The following MTFR2 variants were observed in gnomAD, a reference collection of about 807,000 sequenced individuals.
The protein encoded by MTFR2 is mitochondrial fission regulator 2.
Under a neutral mutation model 41.2 loss-of-function variants are expected in MTFR2, and 44 were observed. The observed-to-expected ratio is 1.07, with a 90% CI of 0.84 to 1.37. The LOEUF is 1.37. Among genes scored for constraint, MTFR2 ranks in the 40% most tolerant of loss-of-function variants. MTFR2 has a pLI of 0.00. For missense variants in MTFR2, 452 were observed against 459.5 expected, an observed-to-expected ratio of 0.98 and a Z score of 0.15; for synonymous variants, 141 against 154.6, an observed-to-expected ratio of 0.91 and a Z score of 0.65.
intron 6 of MTFR2, among the ~76,000 whole-genome samples, chr6:136,236,176 G>C (rs1275431525): frequency 6.6e-6 from 1 of 152,184 alleles, no homozygotes; most frequent in Non-Finnish European, 1.5e-5. Context: ...ACGGCTGAGA[G>C]TACATGTGTT....
In MTFR2 at chr6:136,240,843, G is replaced by A. The variant is rs571859927; in HGVS notation, c.514+601C>T. ...GCGGTGGCTCACGCCTGTAATCCCA[G>A]CACTTTGGGAGGCCAAGGCGGGCAG... On this transcript the variant is annotated intron_variant, in intron 5 of 7. Coordinates refer to ENST00000420702, the MANE Select transcript of MTFR2 (RefSeq NM_001099286.3). Among the ~76,000 whole-genome samples the A allele has an allele frequency of 2.0e-5, 3 of 152,302 alleles. No homozygotes were observed. In the East Asian group the frequency reaches 5.8e-4, roughly 29 times the overall value.
chr6:136,237,504 A>C (rs987025310), intron 6 of MTFR2, among the ~76,000 whole-genome samples: 3 of 152,184 alleles, frequency 2.0e-5, no homozygotes, highest in African/African-American at 7.2e-5. Flanking sequence ...AAGAAAAAGA[A>C]ACAGCTCTTA....
At position 136,231,177 on chromosome 6, in the gene MTFR2, A is replaced by C. The variant is rs1779742224; in HGVS notation, c.*98T>G. Reference sequence around the variant, plus strand: ...TGTGTCAAGAAGAGTCTTTAAATACATCTACTTTTAGCCTTTAACAGTCCA... The same window carrying C: ...TGTGTCAAGAAGAGTCTTTAAATACCTCTACTTTTAGCCTTTAACAGTCCA... On this transcript the variant is annotated 3_prime_UTR_variant, in exon 8 of 8. Coordinates refer to ENST00000420702, the MANE Select transcript of MTFR2 (RefSeq NM_001099286.3). 7 of 748,094 alleles carry C rather than the reference A, an allele frequency of 9.4e-6. No homozygotes were observed. Among genetic ancestry groups the C allele is most frequent in the South Asian group, 7.1e-5 (4 of 55,956 alleles). 46.3% of individuals were successfully genotyped at this position (748,094 alleles called of 1,614,324 possible). A position where few individuals can be genotyped will look rare whatever the true frequency, so the allele number is the denominator to read the frequency against.
intron 6 of MTFR2, among the ~76,000 whole-genome samples, chr6:136,236,704 T>C (rs898477610): frequency 1.3e-5 from 2 of 152,126 alleles, no homozygotes; most frequent in African/African-American, 4.8e-5. Flanking sequence ...TCACTTAAAA[T>C]GAGCCCTTCT....
intron 6 of MTFR2, among the ~76,000 whole-genome samples, chr6:136,236,421 T>C (rs1779906665): frequency 6.6e-6 from 1 of 152,214 alleles, no homozygotes; most frequent in South Asian, 2.1e-4. Context: ...AGAGCTCATC[T>C]GATTCCTCAG....
chr6:136,239,893 T>C, intron 5 of MTFR2, 73 bp from the exon 6 acceptor site: 1 of 1,306,726 alleles, frequency 7.7e-7, no homozygotes, highest in Non-Finnish European at 1.0e-6. Context: ...TAACACTAAT[T>C]AGAACCAAAA....
rs141467777 is a variant in MTFR2, at chr6:136,239,509, C to G, written c.826G>C (p.Val276Leu). 6.2e-7 allele frequency: 1 copy of G among 1,613,940 alleles called. No homozygotes were observed. Among genetic ancestry groups the G allele is most frequent in the South Asian group, 1.1e-5 (1 of 91,058 alleles). Residue 276 changes from valine to leucine, a missense_variant, in exon 6 of 8, where the codon GTT (valine) becomes CTT (leucine). Val to Leu is a conservative substitution (Grantham distance 32). Transcript: ENST00000420702. The part of the protein sequence containing the change: ...RNKDIPNMLD[V>L]LKDMNKVKLR... Reference sequence around the variant, plus strand: ...TTAACCTTATTCATATCCTTTAGAACGTCCAACATGTTTGGAATATCTTTA... The same window carrying G: ...TTAACCTTATTCATATCCTTTAGAAGGTCCAACATGTTTGGAATATCTTTA...
At position 136,245,911 on chromosome 6, in the gene MTFR2, T is replaced by C. The variant is rs922745153; in HGVS notation, c.64-1042A>G. 2.8e-4 allele frequency among the ~76,000 whole-genome samples: 43 copies of C among 152,338 alleles called. 1 individual carries two copies. The highest frequency in any genetic ancestry group is 2.4e-3 in the Admixed American group (36 of 15,304). On this transcript the variant is annotated intron_variant, in intron 2 of 7. Coordinates refer to ENST00000420702, the MANE Select transcript of MTFR2 (RefSeq NM_001099286.3). ...AGGTTACACCTATAGAAGATCTCAA[T>C]TCAGATATTTTGAGTACTTAAAAGT... is the stretch of plus-strand genomic sequence containing the variant.
At chr6:136,242,162 A>G (rs2128458659) in intron 4 of MTFR2, among the ~76,000 whole-genome samples, 1 of 152,136 alleles carries the variant, frequency 6.6e-6, no homozygotes, top group Non-Finnish European at 1.5e-5. Flanking sequence ...GGACAAGGAA[A>G]ATATCTTATT....
chr6:136,249,766 T>A (rs890816293), intron 1 of MTFR2, among the ~76,000 whole-genome samples: 4 of 152,170 alleles, frequency 2.6e-5, no homozygotes, highest in Admixed American at 1.3e-4. Flanking sequence ...TGCTACTCAT[T>A]TGCCTTCAGC....
chr6:136,239,831 A>T lies in MTFR2; in HGVS notation c.515-11T>A. The T allele has an allele frequency of 6.3e-7, 1 of 1,587,672 alleles. No individual in the cohort carries two copies. The highest frequency in any genetic ancestry group is 1.1e-5 in the South Asian group (1 of 87,548). On this transcript the variant is annotated splice_polypyrimidine_tract_variant and intron_variant, in intron 5 of 7. Transcript: ENST00000420702. Reference sequence around the variant, plus strand: ...TCAAGCCAAAGGAACCTACAAACAAAGTGGTTTATTACAAAATCATGCACA... The same window carrying T: ...TCAAGCCAAAGGAACCTACAAACAATGTGGTTTATTACAAAATCATGCACA...
At chr6:136,232,090 G>T (rs1779773372) in intron 7 of MTFR2, among the ~76,000 whole-genome samples, 1 of 152,084 alleles carries the variant, frequency 6.6e-6, no homozygotes, top group Admixed American at 6.6e-5. Context: ...TATAGTAATA[G>T]TTCTAAAGTG....
chr6:136,233,146 A>G (rs926315079), intron 7 of MTFR2, 179 bp downstream of exon 7: 9 of 473,848 alleles, frequency 1.9e-5, no homozygotes, highest in African/African-American at 1.4e-4. Context: ...ATAGGCTAAA[A>G]GTGAAAATGA....
In MTFR2 at chr6:136,231,116, C is replaced by G; in HGVS notation, c.*159G>C. On this transcript the variant is annotated 3_prime_UTR_variant, in exon 8 of 8. Coordinates refer to ENST00000420702, the MANE Select transcript of MTFR2 (RefSeq NM_001099286.3). The stretch of plus-strand genomic sequence containing the variant: ...AAAGGAACAAAGGAAACAAAAATGA[C>G]AGGCATACATATTTACATAGCAAGT... The G allele has an allele frequency of 1.8e-6, 1 of 550,778 alleles. No homozygotes were observed. The highest frequency in any genetic ancestry group is 3.2e-6 in the Non-Finnish European group (1 of 310,448). 34.1% of individuals were successfully genotyped at this position (550,778 alleles called of 1,614,324 possible). A position where few individuals can be genotyped will look rare whatever the true frequency, so the allele number is the denominator to read the frequency against.
At chr6:136,241,184 T>C (rs996701048) in intron 5 of MTFR2, among the ~76,000 whole-genome samples, 2 of 151,964 alleles carry the variant, frequency 1.3e-5, no homozygotes, top group African/African-American at 4.8e-5. Flanking sequence ...CTTCTTTAAA[T>C]CAAAGCCATC....
In MTFR2 at chr6:136,239,466, C is replaced by A; in HGVS notation, c.869G>T (p.Arg290Leu). Residue 290 changes from arginine (R) to leucine (L), a missense_variant and splice_region_variant, in exon 6 of 8, where the codon CGG becomes CTG. Arg to Leu is a moderately radical substitution (Grantham distance 102). Transcript: ENST00000420702. ...CACTTTTCAAATTACAACAACATAC[C>A]GCTCAATTGCACGAAGCTTAACCTT... ...MNKVKLRAIE[R>L]SPGGRPIHKR... 6 of 1,579,324 alleles carry A rather than the reference C, an allele frequency of 3.8e-6. No homozygotes were observed. Among genetic ancestry groups the A allele is most frequent in the South Asian group, 2.3e-5 (2 of 86,336 alleles).
intron 7 of MTFR2, among the ~76,000 whole-genome samples, chr6:136,232,640 T>G (rs558284): frequency 0.015 from 2,334 of 152,332 alleles, 24 homozygotes; most frequent in South Asian, 0.055. Flanking sequence ...TAGCTGACTT[T>G]AGATGCTGTT....
At position 136,242,719 on chromosome 6, in the gene MTFR2, C is replaced by A; in HGVS notation, c.281+142G>T. 5 of 550,020 alleles carry A rather than the reference C, an allele frequency of 9.1e-6. No individual in the cohort carries two copies. In the South Asian group the frequency reaches 1.5e-4, roughly 17 times the overall value. The allele number at this position is 550,020 out of a possible 1,614,324, so 34.1% of individuals were successfully genotyped here. A position where few individuals can be genotyped will look rare whatever the true frequency, so the allele number is the denominator to read the frequency against. On this transcript the variant is annotated intron_variant, in intron 4 of 7. Coordinates refer to ENST00000420702, the MANE Select transcript of MTFR2 (RefSeq NM_001099286.3). ...GCTAAAAAAATGAAAAGCAGCCAGT[C>A]TTCTTTATTAAGAAGATACAGTAGG...
chr6:136,244,029 C>T (rs943849619), intron 3 of MTFR2, among the ~76,000 whole-genome samples: 1 of 151,846 alleles, frequency 6.6e-6, no homozygotes, highest in Non-Finnish European at 1.5e-5. Flanking sequence ...TATAGCAGTA[C>T]AATGTGTGTT....
Sources: gnomAD v4.1 joint callset for allele counts (sites outside exome capture counted in the v4.1 genomes callset) on GRCh38, gnomAD v4.1.1 for gene constraint, MANE v1.5 for transcripts, NCBI Gene and HGNC (gene_info 2026-07-23, HGNC 2026-07-21) for gene names.